CBFB: variants seen among roughly 807,000 people sequenced by gnomAD.
The protein encoded by CBFB is core-binding factor subunit beta.
Under a neutral mutation model 30.4 loss-of-function variants are expected in CBFB, and 9 were observed. That is an observed-to-expected ratio of 0.30 (90% CI 0.18 to 0.52). The LOEUF is 0.52. CBFB is among the 20% of genes least tolerant of loss of function. The pLI is 0.97. For missense variants in CBFB, 170 were observed against 244.0 expected (o/e 0.70, Z 2.02); for synonymous variants, 94 against 84.0 (o/e 1.12, Z -0.65).
intron 5 of CBFB, among the ~76,000 whole-genome samples, chr16:67,086,368 A>T (rs1348049098): frequency 6.6e-6 from 1 of 152,204 alleles, no homozygotes; most frequent in Non-Finnish European, 1.5e-5. Flanking sequence ...CTTAGTCATA[A>T]TCATAAAGCC....
chr16:67,074,441 G>A (rs1434194871), intron 4 of CBFB, among the ~76,000 whole-genome samples: 2 of 150,292 alleles, frequency 1.3e-5, no homozygotes, highest in Non-Finnish European at 3.0e-5. Flanking sequence ...GGAGTGCAGT[G>A]GCGTGATCTC....
At chr16:67,052,233 G>A (rs1173817286) in intron 3 of CBFB, among the ~76,000 whole-genome samples, 1 of 152,098 alleles carries the variant, frequency 6.6e-6, no homozygotes, top group Non-Finnish European at 1.5e-5. Flanking sequence ...TTTGAGTTAA[G>A]TAACATTATT....
intron 3 of CBFB, among the ~76,000 whole-genome samples, chr16:67,055,022 C>T (rs889664884): frequency 6.8e-6 from 1 of 147,750 alleles, no homozygotes; most frequent in African/African-American, 2.5e-5. Context: ...GTATCCTCTT[C>T]TTGTTTATCG....
chr16:67,085,440 G>C (rs559211908), intron 5 of CBFB, among the ~76,000 whole-genome samples: 1 of 139,932 alleles, frequency 7.1e-6, no homozygotes, highest in South Asian at 2.2e-4. Flanking sequence ...AAAGTGCTGG[G>C]ATTACAGGAG....
chr16:67,094,348 C>G (rs189935747), intron 5 of CBFB, among the ~76,000 whole-genome samples: 3 of 152,158 alleles, frequency 2.0e-5, no homozygotes, highest in African/African-American at 4.8e-5. Flanking sequence ...AGAAATGAAA[C>G]CCACAAATAA....
intron 3 of CBFB, among the ~76,000 whole-genome samples, chr16:67,062,306 T>G (rs1316945935): frequency 1.3e-5 from 2 of 150,132 alleles, no homozygotes; most frequent in Admixed American, 1.3e-4. Context: ...GTAGCTGGGA[T>G]TACAAGAGCC....
intron 3 of CBFB, among the ~76,000 whole-genome samples, chr16:67,059,802 A>T (rs1597140074): frequency 6.6e-6 from 1 of 152,054 alleles, no homozygotes; most frequent in Admixed American, 6.6e-5. Context: ...GGATTTAAAT[A>T]CCATGGTATT....
intron 3 of CBFB, among the ~76,000 whole-genome samples, chr16:67,042,358 A>T (rs905874411): frequency 6.6e-6 from 1 of 152,202 alleles, no homozygotes; most frequent in Admixed American, 6.5e-5. Flanking sequence ...AATTTTGCTC[A>T]GGCTGGCCTC....
At chr16:67,029,692 T>G in intron 1 of CBFB, 35 bp from the exon 2 acceptor site, 2 of 1,539,758 alleles carry the variant, frequency 1.3e-6, no homozygotes, top group Non-Finnish European at 8.9e-7. Context: ...GCGCCGCGGA[T>G]TTGGCTCCTG....
At chr16:67,073,980 G>A (rs1329870654) in intron 4 of CBFB, among the ~76,000 whole-genome samples, 1 of 151,818 alleles carries the variant, frequency 6.6e-6, no homozygotes, top group East Asian at 1.9e-4. Context: ...AGTGAGCCAA[G>A]ATGGTGCCAC....
intron 2 of CBFB, among the ~76,000 whole-genome samples, chr16:67,033,422 C>G (rs1176047976): frequency 1.3e-5 from 2 of 152,066 alleles, no homozygotes; most frequent in African/African-American, 4.8e-5. Flanking sequence ...TCACTGCAAC[C>G]TCCACCTCCT....
chr16:67,056,333 A>G (rs958561683), intron 3 of CBFB, among the ~76,000 whole-genome samples: 5 of 152,170 alleles, frequency 3.3e-5, no homozygotes, highest in African/African-American at 9.7e-5. Context: ...TGAATCAGCA[A>G]TATATATTGA....
At chr16:67,075,215 G>A (rs1434471261) in intron 4 of CBFB, among the ~76,000 whole-genome samples, 4 of 135,080 alleles carry the variant, frequency 3.0e-5, no homozygotes, top group Admixed American at 1.4e-4. Context: ...GTGTGTGTGT[G>A]TGTGTGTGTG....
chr16:67,081,552 A>G (rs1169993550), intron 4 of CBFB, among the ~76,000 whole-genome samples: 1 of 152,148 alleles, frequency 6.6e-6, no homozygotes, highest in African/African-American at 2.4e-5. Flanking sequence ...CTGTAATCCC[A>G]GCACTTTGGG....
intron 3 of CBFB, among the ~76,000 whole-genome samples, chr16:67,047,322 T>C (rs1024885469): frequency 6.6e-6 from 1 of 152,170 alleles, no homozygotes; most frequent in Admixed American, 6.5e-5. Flanking sequence ...TTGCTGTGCT[T>C]TCAGGACTCT....
intron 4 of CBFB, among the ~76,000 whole-genome samples, chr16:67,079,513 G>A (rs1194883818): frequency 1.7e-5 from 2 of 119,558 alleles, no homozygotes; most frequent in African/African-American, 6.4e-5. Flanking sequence ...GAGGCCCTGG[G>A]TCTTTTTTTT....
intron 2 of CBFB, 100 bp downstream of exon 2, chr16:67,029,913 G>A (rs900742337): frequency 2.9e-6 from 2 of 681,036 alleles, no homozygotes; most frequent in Non-Finnish European, 4.5e-6. Context: ...GCGGCTCCCG[G>A]AACTGAGTGG....
rs190391931 is a variant in CBFB at position 67,090,689 on chromosome 16, A to G, written c.496-8021A>G. 2.2e-4 allele frequency among the ~76,000 whole-genome samples: 33 copies of G among 152,288 alleles called. No individual in the cohort carries two copies. In the East Asian group the frequency reaches 6.2e-3, roughly 28 times the overall value. ...CAGGGTGCTTAAAGATATTTTCTCT[A>G]TTATCTTAAAAATGCCTACATTTGG... On this transcript the variant is annotated intron_variant, in intron 5 of 5. Coordinates refer to ENST00000412916, the MANE Select transcript of CBFB (RefSeq NM_022845.3).
At chr16:67,042,216 G>A (rs1457180591) in intron 3 of CBFB, among the ~76,000 whole-genome samples, 1 of 151,336 alleles carries the variant, frequency 6.6e-6, no homozygotes, top group Non-Finnish European at 1.5e-5. Context: ...GAGCCACCAC[G>A]CCCAGGCTTT....
Sources: gnomAD v4.1 joint callset for allele counts (sites outside exome capture counted in the v4.1 genomes callset) on GRCh38, gnomAD v4.1.1 for gene constraint, MANE v1.5 for transcripts, NCBI Gene and HGNC (gene_info 2026-07-23, HGNC 2026-07-21) for gene names.